Variants in JAZF1 observed in about 807,000 individuals in gnomAD.
JAZF1 encodes JAZF zinc finger 1, also known as juxtaposed with another zinc finger protein 1.
A neutral mutation model predicts 26.4 loss-of-function variants in JAZF1; 8 were observed. The ratio of observed to expected loss-of-function variants is 0.30; its 90% CI spans 0.18 to 0.55. The LOEUF is 0.55. JAZF1 is among the 20% of genes least tolerant of loss of function. The probability of loss-of-function intolerance (pLI) is 0.94; values close to 1 mark genes in which losing one functional copy is unlikely to be tolerated. For synonymous variants in JAZF1, 126 were observed against 122.3 expected (o/e 1.03, Z -0.20); for missense variants, 199 against 322.0 (o/e 0.62, Z 2.92).
At chr7:27,880,372 T>C (rs952949127) in intron 3 of JAZF1, among the ~76,000 whole-genome samples, 5 of 152,208 alleles carry the variant, frequency 3.3e-5, no homozygotes, top group African/African-American at 1.2e-4. Flanking sequence ...CAGTGGCTCA[T>C]GCCTGTAATC....
At chr7:27,867,841 T>G (rs927489493) in intron 3 of JAZF1, among the ~76,000 whole-genome samples, 1 of 152,202 alleles carries the variant, frequency 6.6e-6, no homozygotes, top group Non-Finnish European at 1.5e-5. Context: ...CTACTAAGCT[T>G]CTCTTAGACA....
At position 28,153,568 on chromosome 7, in the gene JAZF1, T is replaced by C. The variant is rs151193234; in HGVS notation, c.115+26895A>G. 4.2e-3 allele frequency among the ~76,000 whole-genome samples: 640 copies of C among 152,270 alleles called. 2 individuals carry two copies. The highest frequency in any genetic ancestry group is 7.0e-3 in the Non-Finnish European group (474 of 68,024). On this transcript the variant is annotated intron_variant, in intron 1 of 4. Coordinates refer to ENST00000283928, the MANE Select transcript of JAZF1 (RefSeq NM_175061.4). ...GAGGCAAACCTATCCCATAGCCATCTCCATTCTAACTGTCTCACTCTCTGC... is the reference window on the plus strand; with the variant it reads ...GAGGCAAACCTATCCCATAGCCATCCCCATTCTAACTGTCTCACTCTCTGC...
chr7:27,912,542 A>T (rs1411345578), intron 2 of JAZF1, among the ~76,000 whole-genome samples: 2 of 152,086 alleles, frequency 1.3e-5, no homozygotes, highest in African/African-American at 2.4e-5. Flanking sequence ...ACCCCTATAA[A>T]TGGAGGTGGG....
intron 2 of JAZF1, among the ~76,000 whole-genome samples, chr7:27,942,120 A>G (rs1178240248): frequency 6.6e-6 from 1 of 152,258 alleles, no homozygotes; most frequent in Non-Finnish European, 1.5e-5. Flanking sequence ...TATCACATAG[A>G]AGGTGCTGAG....
chr7:28,162,733 C>G (rs1024280544), intron 1 of JAZF1, among the ~76,000 whole-genome samples: 2 of 152,192 alleles, frequency 1.3e-5, no homozygotes, highest in African/African-American at 2.4e-5. Context: ...ACACCAGGGG[C>G]TTCCTTGGGT....
At chr7:27,945,615 G>A (rs1163224354) in intron 2 of JAZF1, among the ~76,000 whole-genome samples, 1 of 151,964 alleles carries the variant, frequency 6.6e-6, no homozygotes, top group Non-Finnish European at 1.5e-5. Flanking sequence ...TCATCACCAT[G>A]CCCTTGCTGG....
At chr7:27,993,009 AT>A (rs1225242529) in intron 1 of JAZF1, among the ~76,000 whole-genome samples, 1 of 152,178 alleles carries the variant, frequency 6.6e-6, no homozygotes, top group Admixed American at 6.5e-5. Flanking sequence ...AGGGAAGCAG[AT>A]ACAGTGGCAG....
intron 1 of JAZF1, among the ~76,000 whole-genome samples, chr7:28,012,275 C>A (rs1045730698): frequency 6.6e-6 from 1 of 152,178 alleles, no homozygotes; most frequent in Admixed American, 6.5e-5. Flanking sequence ...TTTGATCTGT[C>A]ATTGAAAACA....
At chr7:27,910,365 AG>A (rs565285675) in intron 2 of JAZF1, among the ~76,000 whole-genome samples, 12 of 152,182 alleles carry the variant, frequency 7.9e-5, no homozygotes, top group Non-Finnish European at 1.5e-4. Flanking sequence ...AAAAAAATTC[AG>A]GGGGTATGTG....
intron 1 of JAZF1, among the ~76,000 whole-genome samples, chr7:28,178,542 A>T (rs961476529): frequency 6.6e-6 from 1 of 152,200 alleles, no homozygotes; most frequent in Non-Finnish European, 1.5e-5. Flanking sequence ...ATTAATGTAT[A>T]GCATTATCTA....
intron 1 of JAZF1, among the ~76,000 whole-genome samples, chr7:28,105,338 C>A (rs1018457935): frequency 3.3e-5 from 5 of 152,162 alleles, no homozygotes; most frequent in Non-Finnish European, 5.9e-5. Context: ...CTTTTACTTA[C>A]AAAACTAACA....
intron 1 of JAZF1, among the ~76,000 whole-genome samples, chr7:28,067,951 T>A (rs577587530): frequency 6.6e-6 from 1 of 152,322 alleles, no homozygotes; most frequent in African/African-American, 2.4e-5. Context: ...TTCGCTCTTG[T>A]TGCCCAAGCT....
chr7:27,988,422 T>A (rs1785808362), intron 2 of JAZF1, among the ~76,000 whole-genome samples: 1 of 151,522 alleles, frequency 6.6e-6, no homozygotes. Context: ...TTACCCAGGC[T>A]GAAGTGCAGT....
chr7:28,070,015 G>C (rs574724873), intron 1 of JAZF1, among the ~76,000 whole-genome samples: 4 of 152,148 alleles, frequency 2.6e-5, no homozygotes, highest in Admixed American at 2.0e-4. Context: ...CCCTGCTCAC[G>C]GCACACTGCA....
At chr7:27,918,399 G>C (rs1461438389) in intron 2 of JAZF1, among the ~76,000 whole-genome samples, 1 of 152,110 alleles carries the variant, frequency 6.6e-6, no homozygotes, top group Non-Finnish European at 1.5e-5. Flanking sequence ...AAATCACGAG[G>C]TTTAGCACTT....
At chr7:27,997,544 C>T (rs1483709134) in intron 1 of JAZF1, among the ~76,000 whole-genome samples, 3 of 152,136 alleles carry the variant, frequency 2.0e-5, no homozygotes. Flanking sequence ...CATCCAGAGC[C>T]TCCTAGCAGC....
intron 1 of JAZF1, among the ~76,000 whole-genome samples, chr7:28,015,791 G>A (rs764793012): frequency 1.3e-5 from 2 of 152,110 alleles, no homozygotes; most frequent in African/African-American, 2.4e-5. Context: ...TTTTGTGCAA[G>A]CCCTCTTTGT....
chr7:28,158,457 AC>A (rs756745110), intron 1 of JAZF1, among the ~76,000 whole-genome samples: 8 of 152,190 alleles, frequency 5.3e-5, no homozygotes, highest in Non-Finnish European at 1.0e-4. Flanking sequence ...AACATCCTGG[AC>A]CACTGAAGAC....
intron 2 of JAZF1, among the ~76,000 whole-genome samples, chr7:27,924,206 C>T (rs1784577210): frequency 6.6e-6 from 1 of 152,156 alleles, no homozygotes; most frequent in Non-Finnish European, 1.5e-5. Context: ...GCCTCCCGAG[C>T]AGCTGGAATT....
Sources: gnomAD v4.1 joint callset for allele counts (sites outside exome capture counted in the v4.1 genomes callset) on GRCh38, gnomAD v4.1.1 for gene constraint, MANE v1.5 for transcripts, NCBI Gene and HGNC (gene_info 2026-07-23, HGNC 2026-07-21) for gene names.